WDPCP: variants seen among roughly 807,000 people sequenced by gnomAD.
The protein encoded by WDPCP is WD repeat containing planar cell polarity effector, also known as WD repeat-containing and planar cell polarity effector protein fritz homolog.
WDPCP carries 71 observed loss-of-function variants against 93.1 expected under a neutral mutation model. That is an observed-to-expected ratio of 0.76 (90% confidence interval 0.63 to 0.93). The LOEUF (loss-of-function observed/expected upper bound fraction) is 0.93, where lower values mean the gene tolerates loss of function less well. Among genes scored for constraint, WDPCP ranks in the 40% least tolerant of loss-of-function variants. The probability of loss-of-function intolerance (pLI) is 0.00; values close to 1 mark genes in which losing one functional copy is unlikely to be tolerated. For missense variants in WDPCP, 844 were observed against 887.4 expected (o/e 0.95, Z 0.62); for synonymous variants, 315 against 315.0 (o/e 1.00, Z 0.00).
At chr2:63,281,982 A>T (rs186902914) in intron 13 of WDPCP, among the ~76,000 whole-genome samples, 5 of 152,292 alleles carry the variant, frequency 3.3e-5, no homozygotes, top group South Asian at 2.1e-4. Flanking sequence ...GAAATAAAAA[A>T]AAAATAAAAT....
intron 2 of WDPCP, among the ~76,000 whole-genome samples, chr2:63,704,661 G>A (rs1341035431): frequency 2.0e-5 from 3 of 152,176 alleles, no homozygotes; most frequent in Non-Finnish European, 2.9e-5. Flanking sequence ...CTTGATCATG[G>A]TGGATAAGCT....
chr2:63,585,258 A>C (rs1227235261), intron 1 of WDPCP, among the ~76,000 whole-genome samples: 1 of 152,352 alleles, frequency 6.6e-6, no homozygotes, highest in South Asian at 2.1e-4. Flanking sequence ...GAATGTAATA[A>C]TTATTTTTAA....
intron 10 of WDPCP, among the ~76,000 whole-genome samples, chr2:63,387,096 C>T (rs569101184): frequency 2.6e-5 from 4 of 151,940 alleles, no homozygotes; most frequent in Admixed American, 2.6e-4. Flanking sequence ...GAAACTATTC[C>T]AAAAAAATGA....
chr2:63,373,254 G>T lies in WDPCP; in HGVS notation c.1748+5132C>A, dbSNP rs72815378. Among the ~76,000 whole-genome samples the T allele has an allele frequency of 4.0e-3, 578 of 143,496 alleles. 9 individuals carry two copies. Among genetic ancestry groups the T allele is most frequent in the African/African-American group, 9.2e-3 (360 of 39,230 alleles). 94.1% of individuals were successfully genotyped at this position (143,496 alleles called of 152,430 possible). A position where few individuals can be genotyped will look rare whatever the true frequency, so the allele number is the denominator to read the frequency against. ...TTTTCTTTGTTTTCATTTTTTTGTT[G>T]TTTTTTTTTTTCTTTTAAATGACAT... On this transcript the variant is annotated intron_variant, in intron 12 of 17. Coordinates refer to ENST00000272321, the MANE Select transcript of WDPCP (RefSeq NM_015910.7).
intron 3 of WDPCP, chr2:63,597,595 T>A: frequency 7.4e-7 from 1 of 1,342,804 alleles, no homozygotes; most frequent in South Asian, 2.5e-5. Flanking sequence ...CTGTATTTTA[T>A]GGGATTTTTC....
At chr2:63,826,428 C>G (rs958697242) in intron 1 of WDPCP, among the ~76,000 whole-genome samples, 1 of 152,104 alleles carries the variant, frequency 6.6e-6, no homozygotes, top group Non-Finnish European at 1.5e-5. Context: ...CACCAGAATA[C>G]TGTGTCCTAT....
chr2:63,304,505 A>C (rs1685568689), intron 13 of WDPCP, among the ~76,000 whole-genome samples: 1 of 152,176 alleles, frequency 6.6e-6, no homozygotes, highest in Non-Finnish European at 1.5e-5. Flanking sequence ...CCCCTAGCCA[A>C]GGGAAGCTGT....
In WDPCP at chr2:63,300,838, C is replaced by T. The variant is rs141644419; in HGVS notation, c.1812+12410G>A. 1.4e-3 allele frequency among the ~76,000 whole-genome samples: 213 copies of T among 152,224 alleles called. No individual in the cohort carries two copies. In the Middle Eastern group the frequency reaches 0.017, roughly 12 times the overall value. ...CACATGTCATTTCCAGGTCTCTGCCCTTGGTCTGGAGAGTACATGGCATTT... is the reference window on the plus strand; with the variant it reads ...CACATGTCATTTCCAGGTCTCTGCCTTTGGTCTGGAGAGTACATGGCATTT... On this transcript the variant is annotated intron_variant, in intron 13 of 17. Transcript: ENST00000272321.
chr2:63,698,639 A>C (rs1668996845), intron 2 of WDPCP, among the ~76,000 whole-genome samples: 1 of 152,222 alleles, frequency 6.6e-6, no homozygotes, highest in African/African-American at 2.4e-5. Flanking sequence ...GTAAGCAGGA[A>C]ATTTCACAAG....
chr2:63,334,797 C>A (rs968051460), intron 12 of WDPCP, among the ~76,000 whole-genome samples: 1 of 150,206 alleles, frequency 6.7e-6, no homozygotes, highest in Non-Finnish European at 1.5e-5. Context: ...GTCACACGAA[C>A]CTGCCTCCAA....
At chr2:63,512,504 A>G (rs901914317) in intron 1 of WDPCP, among the ~76,000 whole-genome samples, 1 of 152,230 alleles carries the variant, frequency 6.6e-6, no homozygotes, top group Admixed American at 6.5e-5. Context: ...ATGCCCATCA[A>G]TGTTAGACTG....
At chr2:63,698,726 A>G (rs537122079) in intron 2 of WDPCP, among the ~76,000 whole-genome samples, 57 of 152,232 alleles carry the variant, frequency 3.7e-4, no homozygotes, top group Admixed American at 2.4e-3. Flanking sequence ...TCGTGGCCAC[A>G]GAAGTTTACT....
intron 2 of WDPCP, among the ~76,000 whole-genome samples, chr2:63,808,710 C>A (rs1446623049): frequency 6.6e-6 from 1 of 152,218 alleles, no homozygotes; most frequent in African/African-American, 2.4e-5. Context: ...ACCTCCCAGC[C>A]GCCTGCCTTG....
intron 1 of WDPCP, among the ~76,000 whole-genome samples, chr2:63,587,995 G>C (rs1156569930): frequency 6.6e-6 from 1 of 152,202 alleles, no homozygotes; most frequent in African/African-American, 2.4e-5. Context: ...AGCTCCATTT[G>C]GGGTCGGGGG....
chr2:63,672,033 A>G (rs956767713), intron 2 of WDPCP, among the ~76,000 whole-genome samples: 8 of 152,182 alleles, frequency 5.3e-5, no homozygotes, highest in African/African-American at 1.9e-4. Context: ...TACTCCTCAA[A>G]TTCCACTAGA....
rs1018466651 is a variant in WDPCP at position 63,420,374 on chromosome 2, A to C, written c.825+13371T>G. 4.6e-5 allele frequency among the ~76,000 whole-genome samples: 7 copies of C among 151,488 alleles called. 1 individual carries two copies. The highest frequency in any genetic ancestry group is 1.2e-4 in the African/African-American group (5 of 41,368). ...CCCATCTTTACTTAAAAAAAAAAAA[A>C]AACAGAAAAATTAGCCGGCTATGGT... On this transcript the variant is annotated intron_variant, in intron 9 of 17. Transcript: ENST00000272321.
chr2:63,392,355 C>T (rs1405880878), intron 10 of WDPCP, among the ~76,000 whole-genome samples: 1 of 152,144 alleles, frequency 6.6e-6, no homozygotes, highest in African/African-American at 2.4e-5. Flanking sequence ...GAAACTGGAT[C>T]CCTTCCTTAC....
chr2:63,525,858 C>T (rs920902475), intron 1 of WDPCP, among the ~76,000 whole-genome samples: 5 of 152,190 alleles, frequency 3.3e-5, no homozygotes, highest in African/African-American at 1.2e-4. Flanking sequence ...TCCTCCTGGG[C>T]AAGGCTGCCT....
At chr2:63,586,334 C>CA (rs1205242152) in intron 1 of WDPCP, among the ~76,000 whole-genome samples, 9 of 151,572 alleles carry the variant, frequency 5.9e-5, no homozygotes, top group East Asian at 1.9e-4. Context: ...CGAGGCTGGG[C>CA]AAAAAAAATG....
Sources: gnomAD v4.1 joint callset for allele counts (sites outside exome capture counted in the v4.1 genomes callset) on GRCh38, gnomAD v4.1.1 for gene constraint, MANE v1.5 for transcripts, NCBI Gene and HGNC (gene_info 2026-07-23, HGNC 2026-07-21) for gene names.